The following LRRC37A variants were observed in gnomAD, a reference collection of about 807,000 sequenced individuals.
The protein encoded by LRRC37A is leucine rich repeat containing 37A.
Under a neutral mutation model 35.4 loss-of-function variants are expected in LRRC37A, and 3 were observed. That is an observed-to-expected ratio of 0.08 (90% CI 0.04 to 0.22). The LOEUF is 0.22. Among genes scored for constraint, LRRC37A ranks in the 10% least tolerant of loss-of-function variants. The pLI, the probability that LRRC37A is intolerant of heterozygous loss-of-function variation, is 1.00. For synonymous variants in LRRC37A, 23 were observed against 215.0 expected (o/e 0.11, Z 7.81); for missense variants, 67 against 565.3 (o/e 0.12, Z 8.94).
At chr17:46,263,605 A>C in the LRRC37A span, among the ~76,000 whole-genome samples, 2 of 149,506 alleles carry the variant, frequency 1.3e-5, no homozygotes, top group Non-Finnish European at 3.0e-5. Flanking sequence ...CTGTAATCCC[A>C]GCACTTTGAG....
the LRRC37A span, among the ~76,000 whole-genome samples, chr17:46,264,354 G>A: frequency 6.6e-6 from 1 of 152,182 alleles, no homozygotes; most frequent in Non-Finnish European, 1.5e-5. Flanking sequence ...AATTATCAAG[G>A]AAGTTGCCAG....
At chr17:46,250,650 C>T in the LRRC37A span, among the ~76,000 whole-genome samples, 1 of 152,220 alleles carries the variant, frequency 6.6e-6, no homozygotes, top group African/African-American at 2.4e-5. Context: ...CCTCAGCCTG[C>T]AGACGGCCTA....
the LRRC37A span, among the ~76,000 whole-genome samples, chr17:46,264,504 A>C: frequency 0.11 from 15,513 of 143,436 alleles, 1 homozygote; most frequent in Middle Eastern, 0.17. Context: ...TTACCAAGCA[A>C]CCTGATGATA....
chr17:46,254,803 A>G, the LRRC37A span, among the ~76,000 whole-genome samples: 3,063 of 132,086 alleles, frequency 0.023, no homozygotes, highest in Middle Eastern at 0.064. Context: ...CTCCCAAAGC[A>G]CTGGGATTGC....
chr17:46,271,292 A>G, the LRRC37A span, among the ~76,000 whole-genome samples: 1 of 150,562 alleles, frequency 6.6e-6, no homozygotes, highest in Admixed American at 6.6e-5. Context: ...TAGCCTCCCA[A>G]GTAGCTGGGA....
At chr17:46,267,315 G>A in the LRRC37A span, 1 of 1,413,056 alleles carries the variant, frequency 7.1e-7, no homozygotes, top group Non-Finnish European at 9.5e-7. Context: ...ACTGTTTTTT[G>A]GAAGCAGCGA....
At chr17:46,266,950 G>A in the LRRC37A span, 38 of 156,014 alleles carry the variant, frequency 2.4e-4, no homozygotes, top group African/African-American at 8.8e-4. Context: ...GCGCCGCCGA[G>A]GGCCCCGCCG....
the LRRC37A span, among the ~76,000 whole-genome samples, chr17:46,259,017 CTATTTTTTTTTTTT>C: frequency 8.0e-5 from 2 of 24,990 alleles, no homozygotes; most frequent in East Asian, 7.9e-4. Flanking sequence ...CGCACCCGGC[CTATTTTTTTTTTTT>C]TTTTTTTTTT....
the LRRC37A span, among the ~76,000 whole-genome samples, chr17:46,266,724 T>C: frequency 6.6e-6 from 1 of 152,046 alleles, no homozygotes; most frequent in South Asian, 2.1e-4. Flanking sequence ...TGCGGAGCCC[T>C]GGGAGCGGAG....
chr17:46,283,380 G>C, the LRRC37A span, among the ~76,000 whole-genome samples: 1 of 152,142 alleles, frequency 6.6e-6, no homozygotes, highest in South Asian at 2.1e-4. Context: ...GGAAAGGCTG[G>C]GCCATCTTAT....
chr17:46,291,969 C>CAAAAAAAAA (rs59554870), upstream of LRRC37A, among the ~76,000 whole-genome samples: 27 of 58,080 alleles, frequency 4.6e-4, no homozygotes, highest in Non-Finnish European at 6.0e-4. Flanking sequence ...TCTCAAAAAG[C>CAAAAAAAAA]AAAAAAAAAA....
chr17:46,258,838 C>T, the LRRC37A span, among the ~76,000 whole-genome samples: 1 of 150,628 alleles, frequency 6.6e-6, no homozygotes, highest in Non-Finnish European at 1.5e-5. Context: ...CCTCAGCCTC[C>T]CAAGTAGCTG....
the LRRC37A span, among the ~76,000 whole-genome samples, chr17:46,269,152 G>A: frequency 1.3e-5 from 2 of 152,086 alleles, no homozygotes; most frequent in Non-Finnish European, 2.9e-5. Flanking sequence ...AACAGTAAGC[G>A]CACTAGTCAA....
rs1291962875 is a variant in LRRC37A, at chr17:46,314,387, T to C, written c.2907-7935T>C. On this transcript the variant is annotated intron_variant, in intron 5 of 13. Transcript: ENST00000320254. ...ATTTAGGTATTTGACATATTTTGCA[T>C]CAATTCTTATAATCGTGTGAGATGT... 1.3e-4 allele frequency among the ~76,000 whole-genome samples: 9 copies of C among 70,334 alleles called. 1 individual carries two copies. The East Asian group carries it at 2.5e-3, about 20-fold the overall frequency. The allele number at this position is 70,334 out of a possible 152,430, so 46.1% of individuals were successfully genotyped here.
At chr17:46,269,497 G>A in the LRRC37A span, among the ~76,000 whole-genome samples, 1 of 152,182 alleles carries the variant, frequency 6.6e-6, no homozygotes, top group Non-Finnish European at 1.5e-5. Context: ...GCGCCAGCCT[G>A]GGCAACAAGA....
At chr17:46,250,741 CCTGA>C in the LRRC37A span, among the ~76,000 whole-genome samples, 1 of 152,166 alleles carries the variant, frequency 6.6e-6, no homozygotes, top group Non-Finnish European at 1.5e-5. Context: ...TCTAGAGAAC[CCTGA>C]CTAATACGCT....
upstream of LRRC37A, among the ~76,000 whole-genome samples, chr17:46,292,335 GAAAA>G (rs1177574208): frequency 1.7e-5 from 1 of 58,536 alleles, no homozygotes; most frequent in African/African-American, 4.2e-5. Flanking sequence ...CTCTCTCGAG[GAAAA>G]AAAAAAAAAA....
the LRRC37A span, among the ~76,000 whole-genome samples, chr17:46,271,032 T>C: frequency 6.6e-6 from 1 of 152,252 alleles, no homozygotes; most frequent in African/African-American, 2.4e-5. Context: ...TACCTTAGAA[T>C]GTTTCAAATT....
chr17:46,255,892 G>C, the LRRC37A span, among the ~76,000 whole-genome samples: 1 of 149,266 alleles, frequency 6.7e-6, no homozygotes, highest in East Asian at 2.1e-4. Context: ...AGCCAGGATG[G>C]TCTCGATCTC....
Sources: gnomAD v4.1 joint callset for allele counts (sites outside exome capture counted in the v4.1 genomes callset) on GRCh38, gnomAD v4.1.1 for gene constraint, MANE v1.5 for transcripts, NCBI Gene and HGNC (gene_info 2026-07-23, HGNC 2026-07-21) for gene names.